ANKFN1: variants seen among roughly 807,000 people sequenced by gnomAD.
The protein encoded by ANKFN1 is ankyrin repeat and fibronectin type-III domain-containing protein 1.
In ANKFN1, 74 loss-of-function variants were observed where a neutral mutation model predicts 108.7. The observed-to-expected ratio is 0.68, with a 90% CI of 0.56 to 0.83. ANKFN1 has a LOEUF of 0.83. ANKFN1 is among the 40% of genes least tolerant of loss of function. The pLI, the probability that ANKFN1 is intolerant of heterozygous loss-of-function variation, is 0.00. For missense variants in ANKFN1, 1,505 were observed against 1,382.3 expected (o/e 1.09, Z -1.41); for synonymous variants, 547 against 516.2 (o/e 1.06, Z -0.81).
intron 4 of ANKFN1, among the ~76,000 whole-genome samples, chr17:56,102,592 T>C (rs142194103): frequency 6.6e-6 from 1 of 151,106 alleles, no homozygotes; most frequent in Non-Finnish European, 1.5e-5. Flanking sequence ...TAGAATCCAC[T>C]GGGGGAGATC....
At chr17:56,481,470 A>G (rs1412895143) in intron 17 of ANKFN1, among the ~76,000 whole-genome samples, 1 of 148,440 alleles carries the variant, frequency 6.7e-6, no homozygotes, top group Non-Finnish European at 1.5e-5. Context: ...ATGTTCATCA[A>G]TCCTGCCTCC....
chr17:56,081,095 T>C (rs12603231), intron 4 of ANKFN1, among the ~76,000 whole-genome samples: 95,614 of 152,106 alleles, frequency 0.63, 30,858 homozygotes, highest in Middle Eastern at 0.7. Context: ...ATCTTGTTAC[T>C]AGTGGTGAAT....
chr17:56,414,259 G>T (rs1248527880), intron 8 of ANKFN1, among the ~76,000 whole-genome samples: 1 of 152,104 alleles, frequency 6.6e-6, no homozygotes, highest in African/African-American at 2.4e-5. Flanking sequence ...GCTTCAATAG[G>T]AATGGTGCCA....
At chr17:56,071,888 T>C (rs1323316331) in intron 4 of ANKFN1, among the ~76,000 whole-genome samples, 1 of 152,202 alleles carries the variant, frequency 6.6e-6, no homozygotes, top group African/African-American at 2.4e-5. Flanking sequence ...AACAAGGCAC[T>C]CACCATTCAC....
chr17:56,347,558 A>T (rs1488245869), intron 4 of ANKFN1, among the ~76,000 whole-genome samples: 1 of 152,070 alleles, frequency 6.6e-6, no homozygotes, highest in Non-Finnish European at 1.5e-5. Flanking sequence ...TCTTTCCATA[A>T]GGGTAAAAAT....
intron 4 of ANKFN1, among the ~76,000 whole-genome samples, chr17:56,122,009 A>G (rs1464674190): frequency 1.3e-5 from 2 of 152,122 alleles, no homozygotes; most frequent in African/African-American, 2.4e-5. Context: ...GTGCTTTATA[A>G]CTGACAAACA....
At chr17:56,419,057 C>G (rs899475220) in intron 8 of ANKFN1, among the ~76,000 whole-genome samples, 1 of 152,198 alleles carries the variant, frequency 6.6e-6, no homozygotes, top group Non-Finnish European at 1.5e-5. Flanking sequence ...TAGATGTCTG[C>G]ATTTTTAACT....
rs2051885947 is a variant in ANKFN1, at chr17:56,515,221, T to G, written c.*3952T>G. ...TCTACAGCTCTCTCAACTTCGTATG[T>G]AGCAGAGCTACAGCAAAGAGTGTGT... On this transcript the variant is annotated 3_prime_UTR_variant, in exon 21 of 21. Transcript: ENST00000682825. Among the ~76,000 whole-genome samples the G allele has an allele frequency of 6.6e-6, 1 of 152,180 alleles. No individual in the cohort carries two copies. The highest frequency in any genetic ancestry group is 1.5e-5 in the Non-Finnish European group (1 of 68,020).
At chr17:56,237,346 A>G (rs1809003971) in intron 3 of ANKFN1, among the ~76,000 whole-genome samples, 2 of 151,954 alleles carry the variant, frequency 1.3e-5, no homozygotes, top group South Asian at 2.1e-4. Context: ...TACCAGCTCT[A>G]AACACCCACA....
intron 3 of ANKFN1, among the ~76,000 whole-genome samples, chr17:56,234,675 C>T (rs1174363291): frequency 2.0e-5 from 3 of 152,160 alleles, no homozygotes; most frequent in African/African-American, 4.8e-5. Context: ...CCACAAAAGA[C>T]ATCATCTCAT....
intron 19 of ANKFN1, among the ~76,000 whole-genome samples, chr17:56,495,931 G>C (rs1449221272): frequency 6.6e-6 from 1 of 152,066 alleles, no homozygotes; most frequent in Admixed American, 6.6e-5. Context: ...AATTTTTAAG[G>C]GGCAGGGTGA....
At chr17:56,303,221 A>G (rs2044722654) in intron 3 of ANKFN1, among the ~76,000 whole-genome samples, 1 of 152,240 alleles carries the variant, frequency 6.6e-6, no homozygotes, top group South Asian at 2.1e-4. Flanking sequence ...AACACAGTCC[A>G]ACTCTGAGGC....
chr17:56,150,956 G>A (rs1049927990), upstream of ANKFN1, among the ~76,000 whole-genome samples: 1 of 152,188 alleles, frequency 6.6e-6, no homozygotes, highest in Admixed American at 6.5e-5. Flanking sequence ...TGAATAGAGT[G>A]ACCTGACCAG....
chr17:56,092,355 A>G (rs1905435511), intron 4 of ANKFN1, among the ~76,000 whole-genome samples: 1 of 146,870 alleles, frequency 6.8e-6, no homozygotes, highest in Non-Finnish European at 1.5e-5. Context: ...GCTCACTACA[A>G]GCTCTGCCTC....
chr17:56,357,663 A>C (rs2046409842), intron 6 of ANKFN1, among the ~76,000 whole-genome samples: 1 of 152,206 alleles, frequency 6.6e-6, no homozygotes, highest in Non-Finnish European at 1.5e-5. Flanking sequence ...CAAGTACAAA[A>C]GAAGCAGAAT....
chr17:56,415,114 G>A (rs1241909583), intron 8 of ANKFN1, among the ~76,000 whole-genome samples: 3 of 152,148 alleles, frequency 2.0e-5, no homozygotes, highest in Non-Finnish European at 4.4e-5. Flanking sequence ...AGCCTTTGCT[G>A]ACTGGGGAAA....
intron 1 of ANKFN1, among the ~76,000 whole-genome samples, chr17:56,211,021 G>A (rs1356729963): frequency 6.6e-6 from 1 of 152,216 alleles, no homozygotes; most frequent in African/African-American, 2.4e-5. Context: ...CAGATGTATA[G>A]ATTGCAAAGA....
At chr17:56,468,713 C>T (rs1274890737) in intron 15 of ANKFN1, among the ~76,000 whole-genome samples, 2 of 152,108 alleles carry the variant, frequency 1.3e-5, no homozygotes, top group East Asian at 3.9e-4. Context: ...CTTGCACCGG[C>T]CCAAACCAGG....
At chr17:56,365,054 C>T (rs971049559) in intron 6 of ANKFN1, among the ~76,000 whole-genome samples, 1 of 152,058 alleles carries the variant, frequency 6.6e-6, no homozygotes, top group Non-Finnish European at 1.5e-5. Flanking sequence ...TTTAGAATTC[C>T]CCTACATTAC....
Sources: gnomAD v4.1 joint callset for allele counts (sites outside exome capture counted in the v4.1 genomes callset) on GRCh38, gnomAD v4.1.1 for gene constraint, MANE v1.5 for transcripts, NCBI Gene and HGNC (gene_info 2026-07-23, HGNC 2026-07-21) for gene names.